Variants in NCS1 observed in about 807,000 individuals in gnomAD.
The protein encoded by NCS1 is frequenin homolog.
NCS1 carries 6 observed loss-of-function variants against 28.4 expected under a neutral mutation model. That is an observed-to-expected ratio of 0.21 (90% CI 0.12 to 0.42). The LOEUF is 0.42. Among genes scored for constraint, NCS1 ranks in the 10% least tolerant of loss-of-function variants. NCS1 has a pLI of 1.00. For missense variants in NCS1, 131 were observed against 241.4 expected (o/e 0.54, Z 3.03); for synonymous variants, 86 against 99.3 (o/e 0.87, Z 0.79).
intron 2 of NCS1, among the ~76,000 whole-genome samples, chr9:130,208,144 C>A (rs1171278672): frequency 7.1e-6 from 1 of 140,974 alleles, no homozygotes; most frequent in Non-Finnish European, 1.5e-5. Context: ...TCATCGGGCA[C>A]CAGTCCATGA....
Position 130,186,594 on chromosome 9 carries a change from C to A in NCS1, c.64+13867C>A, listed in dbSNP as rs782230096. Reference sequence around the variant, plus strand: ...GTCCTCACCTTCCAGGGCTCCCGAACCCCCAGCCCCAGGAAGGGGTGGGAG... The same window carrying A: ...GTCCTCACCTTCCAGGGCTCCCGAAACCCCAGCCCCAGGAAGGGGTGGGAG... On this transcript the variant is annotated intron_variant, in intron 1 of 7. Transcript: ENST00000372398. The surrounding 1 kb of genome is among the most constrained non-coding windows in gnomAD (Gnocchi z 4.1). Among the ~76,000 whole-genome samples, 2 of 152,134 alleles carry A rather than the reference C, an allele frequency of 1.3e-5. No individual in the cohort carries two copies. Among genetic ancestry groups the A allele is most frequent in the Admixed American group, 6.5e-5 (1 of 15,278 alleles).
rs1554911377 is a variant in NCS1 at position 130,226,398 on chromosome 9, G to A, written c.484G>A (p.Gly162Arg). 1 of 1,614,038 alleles carries A rather than the reference G, an allele frequency of 6.2e-7. No homozygotes were observed. Among genetic ancestry groups the A allele is most frequent in the Non-Finnish European group, 8.5e-7 (1 of 1,179,950 alleles). Residue 162 changes from glycine to arginine, a missense_variant, in exon 7 of 8, where the codon GGG becomes AGG. This residue lies in a region of NCS1 where 100 missense variants were observed against 210.3 expected (regional missense o/e 0.48). Transcript: ENST00000372398. The surrounding 1 kb of genome is among the most constrained non-coding windows in gnomAD (Gnocchi z 4.8). ...IFAMMDKNADGKLTLQEFQEG... is the reference protein window; with the variant it reads ...IFAMMDKNADRKLTLQEFQEG... ...CTCTCTCTGCTCACAGAATGCCGAC[G>A]GGAAGCTGACCCTGCAGGAGTTCCA... is the stretch of plus-strand genomic sequence containing the variant.
Position 130,236,404 on chromosome 9 carries a change from G to A in NCS1, c.*3432G>A, listed in dbSNP as rs1003799572. 4 of 152,186 alleles carry A rather than the reference G, an allele frequency of 2.6e-5. No homozygotes were observed. The highest frequency in any genetic ancestry group is 5.9e-5 in the Non-Finnish European group (4 of 68,050). The allele number at this position is 152,186 out of a possible 1,614,324, so 9.4% of individuals were successfully genotyped here. A position where few individuals can be genotyped will look rare whatever the true frequency, so the allele number is the denominator to read the frequency against. ...TGGTCCGGAGGGAGGCTGGAGCGGG[G>A]AGGCGAGGAGGGGGCTGTGAGTCCT... On this transcript the variant is annotated 3_prime_UTR_variant, in exon 8 of 8. Transcript: ENST00000372398.
chr9:130,194,631 G>A (rs1832856534), intron 1 of NCS1, among the ~76,000 whole-genome samples: 1 of 152,170 alleles, frequency 6.6e-6, no homozygotes, highest in Non-Finnish European at 1.5e-5. Context: ...GTGAGGACTT[G>A]GAGGTTCAGA....
chr9:130,200,803 C>A (rs1433685761), intron 1 of NCS1, among the ~76,000 whole-genome samples, 155 bp from the exon 2 acceptor site: 3 of 152,166 alleles, frequency 2.0e-5, no homozygotes, highest in South Asian at 2.1e-4. Context: ...GGACTGCTCA[C>A]CAAGGGAGCA....
intron 4 of NCS1, among the ~76,000 whole-genome samples, chr9:130,220,635 G>A (rs1237102054): frequency 6.6e-6 from 1 of 152,066 alleles, no homozygotes; most frequent in Non-Finnish European, 1.5e-5. Flanking sequence ...TGCAGGGTGC[G>A]TGGAGGGGAG....
intron 2 of NCS1, among the ~76,000 whole-genome samples, chr9:130,211,403 G>T (rs1310270347): frequency 6.6e-6 from 1 of 151,576 alleles, no homozygotes; most frequent in Non-Finnish European, 1.5e-5. Context: ...AGCACCTTGA[G>T]TCGCCAGTCT....
chr9:130,226,281 C>T lies in NCS1; in HGVS notation c.475-108C>T. The T allele has an allele frequency of 6.5e-6, 6 of 925,020 alleles. No individual in the cohort carries two copies. The highest frequency in any genetic ancestry group is 1.0e-5 in the Non-Finnish European group (6 of 582,376). The allele number at this position is 925,020 out of a possible 1,614,324, so 57.3% of individuals were successfully genotyped here. Reference sequence around the variant, plus strand: ...GTAGGCCCTGAGCCACGTTGCCTCCCTCCTGATCTAACCTTGGAAGGGCTC... The same window carrying T: ...GTAGGCCCTGAGCCACGTTGCCTCCTTCCTGATCTAACCTTGGAAGGGCTC... On this transcript the variant is annotated intron_variant, in intron 6 of 7. Coordinates refer to ENST00000372398, the MANE Select transcript of NCS1 (RefSeq NM_014286.4). This position sits in a 1 kb window ranked among gnomAD's most constrained non-coding sequence, Gnocchi z 4.8.
intron 3 of NCS1, 56 bp downstream of exon 3, chr9:130,218,026 G>T: frequency 6.2e-7 from 1 of 1,606,374 alleles, no homozygotes; most frequent in Non-Finnish European, 8.5e-7. Flanking sequence ...GTGGGTACCC[G>T]CAGCGTCTCC....
intron 2 of NCS1, 80 bp from the exon 3 acceptor site, chr9:130,217,752 C>T: frequency 6.2e-7 from 1 of 1,600,580 alleles, no homozygotes; most frequent in South Asian, 1.1e-5. Context: ...CTTTCCTGGG[C>T]CCCGGGCAGG....
chr9:130,192,870 T>C lies in NCS1; in HGVS notation c.65-8088T>C, dbSNP rs1832834927. Among the ~76,000 whole-genome samples, 1 of 152,132 alleles carries C rather than the reference T, an allele frequency of 6.6e-6. No individual in the cohort carries two copies. Among genetic ancestry groups the C allele is most frequent in the African/African-American group, 2.4e-5 (1 of 41,432 alleles). On this transcript the variant is annotated intron_variant, in intron 1 of 7. Coordinates refer to ENST00000372398, the MANE Select transcript of NCS1 (RefSeq NM_014286.4). The surrounding 1 kb of genome is among the most constrained non-coding windows in gnomAD (Gnocchi z 4.8). ...AACCCCACAGGTGTTTCACTCTCTT[T>C]TCTGTCCTCCCCACCTCCCAGTGTG...
chr9:130,212,286 T>A (rs2131145511), intron 2 of NCS1, among the ~76,000 whole-genome samples: 1 of 152,138 alleles, frequency 6.6e-6, no homozygotes, highest in East Asian at 1.9e-4. Context: ...TCTGGTCCAG[T>A]GGTTCTCAAC....
At chr9:130,216,391 C>A (rs1249732340) in intron 2 of NCS1, among the ~76,000 whole-genome samples, 2 of 152,162 alleles carry the variant, frequency 1.3e-5, no homozygotes, top group African/African-American at 4.8e-5. Flanking sequence ...AAATGTCTTC[C>A]TCTCTCTGAG....
At chr9:130,201,718 G>A (rs1470283380) in intron 2 of NCS1, among the ~76,000 whole-genome samples, 1 of 152,202 alleles carries the variant, frequency 6.6e-6, no homozygotes, top group African/African-American at 2.4e-5. Flanking sequence ...GAGCCTCCAG[G>A]GCCACTCCCT....
Position 130,181,089 on chromosome 9 carries a change from T to G in NCS1, c.64+8362T>G, listed in dbSNP as rs1167996840. On this transcript the variant is annotated intron_variant, in intron 1 of 7. Coordinates refer to ENST00000372398, the MANE Select transcript of NCS1 (RefSeq NM_014286.4). The surrounding 1 kb of genome is among the most constrained non-coding windows in gnomAD (Gnocchi z 5.0). ...AGTTCCCTCTGGGACTCAGTTTCCC[T>G]TTCTGTACCATGTTCAAATTCCCAG... Among the ~76,000 whole-genome samples the G allele has an allele frequency of 6.6e-6, 1 of 152,164 alleles. No homozygotes were observed. Among genetic ancestry groups the G allele is most frequent in the Non-Finnish European group, 1.5e-5 (1 of 68,026 alleles).
At chr9:130,214,926 C>T (rs1833161930) in intron 2 of NCS1, among the ~76,000 whole-genome samples, 1 of 152,240 alleles carries the variant, frequency 6.6e-6, no homozygotes, top group Non-Finnish European at 1.5e-5. Flanking sequence ...AAGACCTTCA[C>T]TGCCAGCCTT....
chr9:130,208,637 G>A (rs1333402552), intron 2 of NCS1, among the ~76,000 whole-genome samples: 1 of 152,208 alleles, frequency 6.6e-6, no homozygotes, highest in African/African-American at 2.4e-5. Flanking sequence ...AGCAAAAGTA[G>A]TGGGTGGAAG....
Position 130,218,413 on chromosome 9 carries a change from CAGAG to C in NCS1, c.228+447_228+450del, listed in dbSNP as rs1326649898. Among the ~76,000 whole-genome samples the C allele has an allele frequency of 5.3e-5, 8 of 152,344 alleles. No homozygotes were observed. In the East Asian group the frequency reaches 7.7e-4, roughly 15 times the overall value. On this transcript the variant is annotated intron_variant, in intron 3 of 7. Coordinates refer to ENST00000372398, the MANE Select transcript of NCS1 (RefSeq NM_014286.4). ...TTGCAGGTGCACACACGTGTACACA[CAGAG>C]AGACATATACACATATGCATATGTA...
At chr9:130,179,830 C>T (rs1177627015) in intron 1 of NCS1, among the ~76,000 whole-genome samples, 1 of 152,146 alleles carries the variant, frequency 6.6e-6, no homozygotes, top group Non-Finnish European at 1.5e-5. Context: ...GTTCAATGCC[C>T]TCATTTTACA....
Sources: allele counts gnomAD v4.1 joint callset (sites outside exome capture counted in the v4.1 genomes callset), GRCh38; gene constraint gnomAD v4.1.1; regional missense constraint gnomAD v4.1.1; non-coding constraint Gnocchi (gnomAD v3.1); transcripts MANE v1.5; gene names NCBI Gene and HGNC (gene_info 2026-07-23, HGNC 2026-07-21).